RHBDD1: variants seen among roughly 807,000 people sequenced by gnomAD.
RHBDD1 encodes rhomboid domain containing 1.
A neutral mutation model predicts 36.3 loss-of-function variants in RHBDD1; 38 were observed. The ratio of observed to expected loss-of-function variants is 1.05; its 90% confidence interval spans 0.81 to 1.37. The LOEUF (loss-of-function observed/expected upper bound fraction) is 1.37. Among genes scored for constraint, RHBDD1 ranks in the 40% most tolerant of loss-of-function variants. The pLI, the probability that RHBDD1 is intolerant of heterozygous loss-of-function variation, is 0.00. For synonymous variants in RHBDD1, 151 were observed against 136.5 expected, an observed-to-expected ratio of 1.11 and a Z score of -0.74; for missense variants, 393 against 377.6, an observed-to-expected ratio of 1.04 and a Z score of -0.34.
chr2:226,950,383 C>A (rs1435464594), intron 8 of RHBDD1, among the ~76,000 whole-genome samples: 10 of 152,180 alleles, frequency 6.6e-5, no homozygotes, highest in Non-Finnish European at 7.3e-5. Context: ...GGATTTCTTT[C>A]TGTTTTAAGG....
chr2:226,812,844 G>A, the RHBDD1 span, among the ~76,000 whole-genome samples: 1 of 152,142 alleles, frequency 6.6e-6, no homozygotes, highest in Non-Finnish European at 1.5e-5. Flanking sequence ...TATGATTAAA[G>A]TTCAGAACAA....
intron 8 of RHBDD1, among the ~76,000 whole-genome samples, chr2:226,926,721 G>C (rs1300784714): frequency 6.6e-6 from 1 of 152,142 alleles, no homozygotes; most frequent in Non-Finnish European, 1.5e-5. Flanking sequence ...AAGTCTCTCT[G>C]TTGCAAAGGT....
intron 3 of RHBDD1, among the ~76,000 whole-genome samples, chr2:226,839,919 A>T (rs1046391566): frequency 6.6e-6 from 1 of 152,188 alleles, no homozygotes; most frequent in Non-Finnish European, 1.5e-5. Flanking sequence ...GAGTCAAAGG[A>T]AGTGTATTAC....
chr2:226,933,324 A>T (rs1477221444), intron 8 of RHBDD1, among the ~76,000 whole-genome samples: 1 of 152,002 alleles, frequency 6.6e-6, no homozygotes, highest in Non-Finnish European at 1.5e-5. Context: ...CATTTCCTGG[A>T]GTGGGTGCTG....
At chr2:226,829,678 GT>G in the RHBDD1 span, among the ~76,000 whole-genome samples, 1 of 152,048 alleles carries the variant, frequency 6.6e-6, no homozygotes, top group Non-Finnish European at 1.5e-5. Flanking sequence ...AGAGAAATAT[GT>G]TTTTCAAAAA....
At chr2:226,925,473 G>A (rs188083174) in intron 8 of RHBDD1, among the ~76,000 whole-genome samples, 241 of 152,074 alleles carry the variant, frequency 1.6e-3, no homozygotes, top group Non-Finnish European at 2.7e-3. Context: ...ATGAAAAAAC[G>A]TAAGGCACAA....
intron 1 of RHBDD1, among the ~76,000 whole-genome samples, chr2:226,837,018 A>G (rs1266749103): frequency 6.6e-6 from 1 of 152,206 alleles, no homozygotes; most frequent in East Asian, 1.9e-4. Context: ...TCCCAAACTT[A>G]CTGAATCAGA....
chr2:226,947,771 C>T (rs1423149084), intron 8 of RHBDD1, among the ~76,000 whole-genome samples: 5 of 152,184 alleles, frequency 3.3e-5, no homozygotes, highest in Non-Finnish European at 7.3e-5. Context: ...TGAACAGACA[C>T]TTCTCAAAAG....
chr2:226,908,699 TAA>T, intron 6 of RHBDD1, 121 bp from the exon 7 acceptor site: 1 of 724,296 alleles, frequency 1.4e-6, no homozygotes, highest in Non-Finnish European at 2.5e-6. Flanking sequence ...TTTATTTTAA[TAA>T]GTGTTTAGAA....
At chr2:226,902,943 T>C (rs1025751476) in intron 5 of RHBDD1, among the ~76,000 whole-genome samples, 15 of 152,264 alleles carry the variant, frequency 9.9e-5, no homozygotes, top group African/African-American at 3.4e-4. Flanking sequence ...TTTAATAGGT[T>C]GAAGTTTTAA....
At chr2:226,993,307 G>T (rs1466354676) in intron 8 of RHBDD1, among the ~76,000 whole-genome samples, 1 of 152,224 alleles carries the variant, frequency 6.6e-6, no homozygotes, top group Non-Finnish European at 1.5e-5. Context: ...GTGGCCTGGA[G>T]TCAGGGTGCC....
chr2:226,967,931 G>C (rs1352177384), intron 8 of RHBDD1, among the ~76,000 whole-genome samples: 1 of 152,154 alleles, frequency 6.6e-6, no homozygotes, highest in African/African-American at 2.4e-5. Context: ...GTAGGTGACA[G>C]TAATATTTCT....
At chr2:226,968,149 G>A (rs1459384599) in intron 8 of RHBDD1, among the ~76,000 whole-genome samples, 1 of 152,162 alleles carries the variant, frequency 6.6e-6, no homozygotes, top group Non-Finnish European at 1.5e-5. Flanking sequence ...AGAAGTTACA[G>A]TACCACCAAT....
At chr2:226,874,419 A>G (rs562980234) in intron 5 of RHBDD1, among the ~76,000 whole-genome samples, 10 of 152,304 alleles carry the variant, frequency 6.6e-5, no homozygotes, top group African/African-American at 2.2e-4. Context: ...GGGGCTTACA[A>G]TAACACAAAT....
intron 8 of RHBDD1, among the ~76,000 whole-genome samples, chr2:226,989,473 A>T (rs1957697500): frequency 6.6e-6 from 1 of 152,194 alleles, no homozygotes; most frequent in Non-Finnish European, 1.5e-5. Context: ...CTTGATCTGG[A>T]TATTGGTCTC....
Position 226,842,635 on chromosome 2 carries a change from A to G in RHBDD1, c.-91+3008A>G, listed in dbSNP as rs114613932. ...GTTTCTGAGTTCTCTATTTTGTTCC[A>G]TCTGTCTATGTATCTGTTCTTGTAC... On this transcript the variant is annotated intron_variant, in intron 3 of 8. Transcript: ENST00000392062. Among the ~76,000 whole-genome samples the G allele has an allele frequency of 6.1e-3, 924 of 152,158 alleles. 9 individuals carry two copies. The highest frequency in any genetic ancestry group is 0.021 in the African/African-American group (876 of 41,510).
At chr2:226,990,268 C>CT (rs1167804591) in intron 8 of RHBDD1, among the ~76,000 whole-genome samples, 1 of 152,070 alleles carries the variant, frequency 6.6e-6, no homozygotes, top group Non-Finnish European at 1.5e-5. Flanking sequence ...ATTTTGGGAG[C>CT]TTTGCAGTTC....
intron 8 of RHBDD1, among the ~76,000 whole-genome samples, chr2:226,942,285 C>T (rs1381660949): frequency 1.3e-5 from 2 of 149,946 alleles, no homozygotes; most frequent in African/African-American, 4.9e-5. Flanking sequence ...GTCACCCAGG[C>T]TGGAGTGCAG....
intron 5 of RHBDD1, among the ~76,000 whole-genome samples, chr2:226,873,833 G>T (rs1944994670): frequency 2.6e-5 from 4 of 152,160 alleles, no homozygotes; most frequent in Non-Finnish European, 1.5e-5. Flanking sequence ...AGTTGTTCAA[G>T]GGGTTGTGAG....
Sources: allele counts gnomAD v4.1 joint callset (sites outside exome capture counted in the v4.1 genomes callset), GRCh38; gene constraint gnomAD v4.1.1; transcripts MANE v1.5; gene names NCBI Gene and HGNC (gene_info 2026-07-23, HGNC 2026-07-21).